ABCA13: variants seen among roughly 807,000 people sequenced by gnomAD.
The protein encoded by ABCA13 is ATP-binding cassette sub-family A member 13.
ABCA13 carries 476 observed loss-of-function variants against 478.7 expected under a neutral mutation model. The observed-to-expected ratio is 0.99, with a 90% CI of 0.92 to 1.07. ABCA13 has a LOEUF of 1.07. Ranked by LOEUF, ABCA13 falls within the 50% of genes least tolerant of loss-of-function variation. The pLI, the probability that ABCA13 is intolerant of heterozygous loss-of-function variation, is 0.00. For synonymous variants in ABCA13, 2,252 were observed against 2,158.9 expected, an observed-to-expected ratio of 1.04 and a Z score of -1.20; for missense variants, 6,060 against 5,910.6, an observed-to-expected ratio of 1.03 and a Z score of -0.83.
chr7:48,295,071 G>A (rs1186121434), intron 20 of ABCA13, among the ~76,000 whole-genome samples: 1 of 152,096 alleles, frequency 6.6e-6, no homozygotes, highest in African/African-American at 2.4e-5. Flanking sequence ...GGATCATATG[G>A]TAGTTCCATT....
intron 28 of ABCA13, among the ~76,000 whole-genome samples, chr7:48,337,746 A>G (rs895874557): frequency 1.3e-5 from 2 of 152,230 alleles, no homozygotes; most frequent in South Asian, 2.1e-4. Flanking sequence ...ATGCAAGTAC[A>G]TGGATATCAA....
chr7:48,248,546 T>G, intron 14 of ABCA13, 102 bp downstream of exon 14: 1 of 986,638 alleles, frequency 1.0e-6, no homozygotes, highest in Non-Finnish European at 1.4e-6. Context: ...TAGATTATAT[T>G]TTGAATAGAA....
chr7:48,244,994 C>T (rs1791450927), intron 11 of ABCA13, among the ~76,000 whole-genome samples: 1 of 152,148 alleles, frequency 6.6e-6, no homozygotes, highest in African/African-American at 2.4e-5. Context: ...CTTTCACATT[C>T]ACGGCAGCAT....
At position 48,219,344 on chromosome 7, in the gene ABCA13, CT is replaced by C. The variant is rs769648627; in HGVS notation, c.288-9del. 1 of 1,594,546 alleles carries C rather than the reference CT, an allele frequency of 6.3e-7. No individual in the cohort carries two copies. On this transcript the variant is annotated splice_polypyrimidine_tract_variant and intron_variant, in intron 3 of 61. Transcript: ENST00000435803. ...AAGAGTTTCACTTGCAGTATTTATT[CT>C]GTTTAAAGTTTGTCTAGGTTCCAAA...
chr7:48,579,026 A>G (rs1490911730), intron 55 of ABCA13, among the ~76,000 whole-genome samples: 1 of 152,220 alleles, frequency 6.6e-6, no homozygotes, highest in Non-Finnish European at 1.5e-5. Context: ...TACAAATTAT[A>G]AAAGTTCTAG....
intron 58 of ABCA13, among the ~76,000 whole-genome samples, chr7:48,610,377 G>T (rs770670869): frequency 1.3e-5 from 2 of 152,282 alleles, no homozygotes; most frequent in Middle Eastern, 6.8e-3. Context: ...GAGCAGCTCC[G>T]CCCCTGTGGT....
At chr7:48,378,009 T>C (rs1365193448) in intron 35 of ABCA13, among the ~76,000 whole-genome samples, 2 of 152,188 alleles carry the variant, frequency 1.3e-5, no homozygotes, top group East Asian at 3.9e-4. Context: ...CTAGAGGCTC[T>C]TGGGGCAATA....
intron 40 of ABCA13, among the ~76,000 whole-genome samples, chr7:48,411,120 CTCCTTTCCTT>C (rs201048330): frequency 0.013 from 1,576 of 117,266 alleles, 154 homozygotes; most frequent in Middle Eastern, 0.025. Flanking sequence ...TTTTCTTTCT[CTCCTTTCCTT>C]TCCTTTCCTT....
chr7:48,610,427 G>A lies in ABCA13; in HGVS notation c.14745-4858G>A, dbSNP rs146069909. On this transcript the variant is annotated intron_variant, in intron 58 of 61. Coordinates refer to ENST00000435803, the MANE Select transcript of ABCA13 (RefSeq NM_152701.5). ...CTCCCAAGGCTGCTTTCAAGGGCTGGCATTGAGTGCCTGTGGCTTTTCCAG... is the reference window on the plus strand; with the variant it reads ...CTCCCAAGGCTGCTTTCAAGGGCTGACATTGAGTGCCTGTGGCTTTTCCAG... Among the ~76,000 whole-genome samples the A allele has an allele frequency of 2.7e-3, 404 of 152,314 alleles. 3 individuals are homozygous for A. The highest frequency in any genetic ancestry group is 0.01 in the Middle Eastern group (3 of 294).
chr7:48,236,195 G>A (rs747626383), intron 8 of ABCA13, among the ~76,000 whole-genome samples: 11 of 152,096 alleles, frequency 7.2e-5, no homozygotes, highest in Non-Finnish European at 1.6e-4. Context: ...GGCAAGTTAT[G>A]GGAAGGTGAG....
At position 48,275,424 on chromosome 7, in the gene ABCA13, T is replaced by C; in HGVS notation, c.5758T>C (p.Phe1920Leu). The change falls in exon 17 of 62, where the codon TTT becomes CTT. Residue 1920 changes from phenylalanine to leucine, a missense_variant. This residue lies in a region of ABCA13 where 4,423 missense variants were observed against 4,309.1 expected (regional missense o/e 1.03). Transcript: ENST00000435803. ...TTCTCTTGTGAAAACTGTGCAGAAA[T>C]TTTGGCATAAGATATTACCGTTTGT... is the stretch of plus-strand genomic sequence containing the variant. ...NISLVKTVQK[F>L]WHKILPFVPP... The C allele has an allele frequency of 6.2e-7, 1 of 1,613,886 alleles. No homozygotes were observed. Among genetic ancestry groups the C allele is most frequent in the Non-Finnish European group, 8.5e-7 (1 of 1,179,858 alleles).
intron 3 of ABCA13, among the ~76,000 whole-genome samples, chr7:48,209,760 C>A (rs1010904741): frequency 6.6e-6 from 1 of 152,100 alleles, no homozygotes; most frequent in Non-Finnish European, 1.5e-5. Context: ...TCTACCAAAT[C>A]GATGTATTGA....
Position 48,225,139 on chromosome 7 carries a change from T to TCCTG in ABCA13, c.469-2120_469-2119insGCCT, listed in dbSNP as rs1317465703. ...TGCCTGCCTGCCTGCCTGCCTGCCT[T>TCCTG]CCTTCCTTCCTTCCTTCCTTCCTTC... On this transcript the variant is annotated intron_variant, in intron 5 of 61. Transcript: ENST00000435803. Among the ~76,000 whole-genome samples, 9 of 66,194 alleles carry TCCTG rather than the reference T, an allele frequency of 1.4e-4. No individual in the cohort carries two copies. In the South Asian group the frequency reaches 4.6e-3, roughly 34 times the overall value. 43.4% of individuals were successfully genotyped at this position (66,194 alleles called of 152,430 possible). A position where few individuals can be genotyped will look rare whatever the true frequency, so the allele number is the denominator to read the frequency against.
intron 23 of ABCA13, among the ~76,000 whole-genome samples, chr7:48,299,316 A>T (rs889125075): frequency 7.9e-5 from 12 of 152,228 alleles, no homozygotes; most frequent in African/African-American, 2.9e-4. Flanking sequence ...ATTGGGGCTT[A>T]TTGCAAGCTT....
chr7:48,281,575 C>A, intron 19 of ABCA13, 123 bp downstream of exon 19: 1 of 871,372 alleles, frequency 1.1e-6, no homozygotes, highest in Non-Finnish European at 1.7e-6. Context: ...CTGTCTTAGT[C>A]TGGCAACCAG....
intron 52 of ABCA13, among the ~76,000 whole-genome samples, chr7:48,517,606 G>T (rs1044759116): frequency 2.6e-5 from 4 of 152,154 alleles, no homozygotes; most frequent in African/African-American, 9.7e-5. Flanking sequence ...AGTGAGGCCT[G>T]CCTGGGTGTT....
chr7:48,435,226 ATTAAG>A (rs899716503), intron 42 of ABCA13, among the ~76,000 whole-genome samples: 5 of 151,754 alleles, frequency 3.3e-5, no homozygotes, highest in African/African-American at 9.7e-5. Flanking sequence ...TGCCCTCATG[ATTAAG>A]TTAATTCTTT....
At chr7:48,495,505 A>G (rs919199471) in intron 48 of ABCA13, among the ~76,000 whole-genome samples, 1 of 151,704 alleles carries the variant, frequency 6.6e-6, no homozygotes, top group African/African-American at 2.4e-5. Flanking sequence ...AAAGTATTCT[A>G]CTCTTGTTGT....
chr7:48,642,405 A>C (rs1795158597), intron 59 of ABCA13, among the ~76,000 whole-genome samples: 1 of 152,210 alleles, frequency 6.6e-6, no homozygotes, highest in Non-Finnish European at 1.5e-5. Context: ...TATGATTGCT[A>C]AGACTGGGCA....
Sources: gnomAD v4.1 joint callset for allele counts (sites outside exome capture counted in the v4.1 genomes callset) on GRCh38, gnomAD v4.1.1 for gene constraint, gnomAD v4.1.1 regional missense constraint, MANE v1.5 for transcripts, NCBI Gene and HGNC (gene_info 2026-07-23, HGNC 2026-07-21) for gene names.